The following LRFN5 variants were observed in gnomAD, a reference collection of about 807,000 sequenced individuals.
LRFN5 encodes leucine rich repeat and fibronectin type III domain containing 5, also known as leucine-rich repeat and fibronectin type-III domain-containing protein 5.
Under a neutral mutation model 45.6 loss-of-function variants are expected in LRFN5, and 24 were observed. That is an observed-to-expected ratio of 0.53 (90% CI 0.38 to 0.74). The LOEUF (loss-of-function observed/expected upper bound fraction) is 0.74, where lower values mean the gene tolerates loss of function less well. Among genes scored for constraint, LRFN5 ranks in the 30% least tolerant of loss-of-function variants. The pLI is 0.00. For missense variants in LRFN5, 776 were observed against 861.5 expected (o/e 0.90, Z 1.24); for synonymous variants, 340 against 313.8 (o/e 1.08, Z -0.88).
intron 1 of LRFN5, chr14:41,700,864 C>T (rs946405284): frequency 6.6e-6 from 1 of 152,086 alleles, no homozygotes; most frequent in Non-Finnish European, 1.5e-5. Flanking sequence ...GTTAACCTCC[C>T]TTGTTCTTGG....
chr14:41,860,467 C>T (rs1352495399), intron 2 of LRFN5, among the ~76,000 whole-genome samples: 1 of 152,056 alleles, frequency 6.6e-6, no homozygotes, highest in East Asian at 1.9e-4. Context: ...TACGTCAGTT[C>T]ATCAAAATAG....
At chr14:41,731,611 C>T (rs920177606) in intron 1 of LRFN5, among the ~76,000 whole-genome samples, 67 of 152,104 alleles carry the variant, frequency 4.4e-4, no homozygotes, top group Non-Finnish European at 6.5e-4. Context: ...TTCCACCATT[C>T]TACCCTAAAA....
chr14:41,864,187 A>G (rs767732359), intron 2 of LRFN5, among the ~76,000 whole-genome samples: 1 of 152,212 alleles, frequency 6.6e-6, no homozygotes, highest in Non-Finnish European at 1.5e-5. Flanking sequence ...GGTATAACCC[A>G]GTAATGGAAT....
intron 1 of LRFN5, among the ~76,000 whole-genome samples, chr14:41,686,133 T>C (rs1282860301): frequency 6.6e-6 from 1 of 152,110 alleles, no homozygotes; most frequent in African/African-American, 2.4e-5. Context: ...GTGTCCGCTC[T>C]TATTTCCTTG....
At chr14:41,609,356 T>C (rs975705293) in intron 1 of LRFN5, among the ~76,000 whole-genome samples, 1 of 151,468 alleles carries the variant, frequency 6.6e-6, no homozygotes, top group Middle Eastern at 3.4e-3. Context: ...TTTATCCCTG[T>C]ATAATAGATA....
intron 1 of LRFN5, among the ~76,000 whole-genome samples, chr14:41,635,652 A>G (rs1452089886): frequency 6.6e-6 from 1 of 152,154 alleles, no homozygotes; most frequent in Non-Finnish European, 1.5e-5. Context: ...AGAACAGGTT[A>G]GATTACAGTG....
chr14:41,725,616 A>T (rs2138780740), intron 1 of LRFN5, among the ~76,000 whole-genome samples: 1 of 152,246 alleles, frequency 6.6e-6, no homozygotes, highest in South Asian at 2.1e-4. Flanking sequence ...CCCTCAACCA[A>T]ATCTGTTTGT....
chr14:41,728,796 TGA>T (rs773546389), intron 1 of LRFN5, among the ~76,000 whole-genome samples: 14 of 152,190 alleles, frequency 9.2e-5, no homozygotes, highest in Non-Finnish European at 1.6e-4. Flanking sequence ...GCATTTTAGA[TGA>T]GAGACATTTT....
intron 2 of LRFN5, among the ~76,000 whole-genome samples, chr14:41,851,308 T>C (rs933660253): frequency 1.3e-5 from 2 of 151,772 alleles, no homozygotes; most frequent in African/African-American, 4.8e-5. Flanking sequence ...AATTACATTC[T>C]GGTATATTTA....
Position 41,904,450 on chromosome 14 carries a change from T to C in LRFN5, c.*275T>C, listed in dbSNP as rs1414896191. 2 of 380,920 alleles carry C rather than the reference T, an allele frequency of 5.3e-6. No individual in the cohort carries two copies. Among genetic ancestry groups the C allele is most frequent in the Non-Finnish European group, 9.3e-6 (2 of 214,246 alleles). The allele number at this position is 380,920 out of a possible 1,614,324, so 23.6% of individuals were successfully genotyped here. A position where few individuals can be genotyped will look rare whatever the true frequency, so the allele number is the denominator to read the frequency against. On this transcript the variant is annotated 3_prime_UTR_variant, in exon 6 of 6. Transcript: ENST00000298119. Reference sequence around the variant, plus strand: ...AAAAGCCTACATTGGCATCAAGTTCTGTATCAATCCATCTTACATTGCCAT... The same window carrying C: ...AAAAGCCTACATTGGCATCAAGTTCCGTATCAATCCATCTTACATTGCCAT...
At position 41,891,509 on chromosome 14, in the gene LRFN5, A is replaced by T; in HGVS notation, c.1645A>T (p.Met549Leu). 1 of 1,614,132 alleles carries T rather than the reference A, an allele frequency of 6.2e-7. No individual in the cohort carries two copies. Among genetic ancestry groups the T allele is most frequent in the Non-Finnish European group, 8.5e-7 (1 of 1,180,012 alleles). ...TGTGCTGGTATTCATCATTATTCTG[A>T]TGATCCGGTATAAGGTTTGCAACAA... ...ASVLVFIIIL[M>L]IRYKVCNNNG... Residue 549 changes from methionine (M) to leucine (L), a missense_variant, in exon 4 of 6, where the codon ATG (methionine) becomes TTG (leucine). Around this residue, in one of 2 missense-constraint regions of LRFN5, gnomAD observed 465 missense variants for 456.4 expected, o/e 1.02. Transcript: ENST00000298119.
intron 1 of LRFN5, among the ~76,000 whole-genome samples, chr14:41,671,882 T>TG (rs1881253919): frequency 6.6e-6 from 1 of 152,142 alleles, no homozygotes; most frequent in East Asian, 1.9e-4. Context: ...CCTCCCACAG[T>TG]GCTGAAATTA....
At chr14:41,654,974 A>G (rs1460858348) in intron 1 of LRFN5, among the ~76,000 whole-genome samples, 1 of 152,064 alleles carries the variant, frequency 6.6e-6, no homozygotes, top group Non-Finnish European at 1.5e-5. Flanking sequence ...TTTGTGATTC[A>G]CATAAGTTAT....
chr14:41,641,911 A>T (rs1879597225), intron 1 of LRFN5, among the ~76,000 whole-genome samples: 1 of 152,146 alleles, frequency 6.6e-6, no homozygotes, highest in African/African-American at 2.4e-5. Context: ...AAGCCTCTTG[A>T]GCGAGAAAAA....
At chr14:41,808,549 TGAAGGAAGGAAGGAAGGAAGGAAGGAAG>T (rs1167821700) in intron 2 of LRFN5, among the ~76,000 whole-genome samples, 1 of 54,348 alleles carries the variant, frequency 1.8e-5, no homozygotes, top group Non-Finnish European at 3.2e-5. Flanking sequence ...AAGGGAGGGA[TGAAGGAAGGAAGGAAGGAAGGAAGGAAG>T]GAAGGAAGGA....
At chr14:41,708,021 C>T (rs1883137051) in intron 1 of LRFN5, among the ~76,000 whole-genome samples, 1 of 151,802 alleles carries the variant, frequency 6.6e-6, no homozygotes, top group African/African-American at 2.4e-5. Context: ...ATATATATGC[C>T]AATACAAATT....
intron 1 of LRFN5, among the ~76,000 whole-genome samples, chr14:41,656,626 T>C (rs1880392791): frequency 6.6e-6 from 1 of 151,834 alleles, no homozygotes; most frequent in Admixed American, 6.6e-5. Flanking sequence ...CTTCATACCT[T>C]AGTGTACTTT....
At chr14:41,775,198 C>G (rs1886242302) in intron 2 of LRFN5, among the ~76,000 whole-genome samples, 1 of 149,226 alleles carries the variant, frequency 6.7e-6, no homozygotes, top group Middle Eastern at 3.3e-3. Context: ...TCACGCCATT[C>G]TCCTGCCTCA....
intron 1 of LRFN5, among the ~76,000 whole-genome samples, chr14:41,760,624 T>C (rs1247285091): frequency 3.9e-5 from 6 of 152,150 alleles, no homozygotes; most frequent in African/African-American, 1.2e-4. Context: ...TGCAGTATTA[T>C]GGTTTCTTTA....
Sources: allele counts gnomAD v4.1 joint callset (sites outside exome capture counted in the v4.1 genomes callset), GRCh38; gene constraint gnomAD v4.1.1; regional missense constraint gnomAD v4.1.1; transcripts MANE v1.5; gene names NCBI Gene and HGNC (gene_info 2026-07-23, HGNC 2026-07-21).